TRPC4: variants seen among roughly 807,000 people sequenced by gnomAD.
TRPC4 encodes short transient receptor potential channel 4.
Under a neutral mutation model 99.4 loss-of-function variants are expected in TRPC4, and 49 were observed. That is an observed-to-expected ratio of 0.49 (90% CI 0.39 to 0.63). TRPC4 has a LOEUF of 0.63. TRPC4 is among the 20% of genes least tolerant of loss of function. The pLI, the probability that TRPC4 is intolerant of heterozygous loss-of-function variation, is 0.00. For missense variants in TRPC4, 898 were observed against 1,152.9 expected (o/e 0.78, Z 3.20); for synonymous variants, 454 against 425.9 (o/e 1.07, Z -0.81).
chr13:37,696,715 A>C (rs1953915241), intron 3 of TRPC4, among the ~76,000 whole-genome samples: 1 of 152,184 alleles, frequency 6.6e-6, no homozygotes, highest in African/African-American at 2.4e-5. Flanking sequence ...AAAGGACCAC[A>C]AATTCATATA....
chr13:37,852,369 C>T (rs1165502347), intron 1 of TRPC4, among the ~76,000 whole-genome samples: 1 of 152,150 alleles, frequency 6.6e-6, no homozygotes, highest in East Asian at 1.9e-4. Context: ...ACACTCTGGG[C>T]CAAAAGGAAA....
chr13:37,776,703 T>G (rs567495373), intron 2 of TRPC4, among the ~76,000 whole-genome samples: 2 of 151,942 alleles, frequency 1.3e-5, no homozygotes, highest in South Asian at 4.1e-4. Context: ...CATTTAATAA[T>G]TACCATATAA....
chr13:37,716,729 ACT>A (rs1954680885), intron 3 of TRPC4, among the ~76,000 whole-genome samples: 1 of 151,582 alleles, frequency 6.6e-6, no homozygotes, highest in African/African-American at 2.4e-5. Context: ...AAAACCACGC[ACT>A]CTCTCTACTC....
At chr13:37,852,721 G>A (rs1959090551) in intron 1 of TRPC4, among the ~76,000 whole-genome samples, 1 of 152,156 alleles carries the variant, frequency 6.6e-6, no homozygotes, top group Non-Finnish European at 1.5e-5. Flanking sequence ...TGGGCCAGAA[G>A]GGAGCCCGCT....
At chr13:37,811,763 T>C (rs894204421) in intron 1 of TRPC4, among the ~76,000 whole-genome samples, 5 of 152,048 alleles carry the variant, frequency 3.3e-5, no homozygotes, top group African/African-American at 1.2e-4. Context: ...AAAAACCAAA[T>C]AATTTATGAA....
intron 1 of TRPC4, among the ~76,000 whole-genome samples, chr13:37,804,481 G>A (rs888495669): frequency 6.6e-6 from 1 of 151,952 alleles, no homozygotes; most frequent in Non-Finnish European, 1.5e-5. Flanking sequence ...ATAAAAAGAA[G>A]AAAAACAGAA....
intron 1 of TRPC4, among the ~76,000 whole-genome samples, chr13:37,837,270 C>T (rs1290604904): frequency 1.3e-5 from 2 of 152,214 alleles, no homozygotes; most frequent in Admixed American, 1.3e-4. Context: ...AGGGCACCAC[C>T]TAGTGGATCT....
intron 4 of TRPC4, among the ~76,000 whole-genome samples, chr13:37,688,668 GGAA>G (rs1207835767): frequency 6.6e-6 from 1 of 152,032 alleles, no homozygotes; most frequent in Non-Finnish European, 1.5e-5. Flanking sequence ...TTTTGAAAAC[GGAA>G]GAAAAGTGAA....
chr13:37,849,258 C>T (rs1958993883), intron 1 of TRPC4, among the ~76,000 whole-genome samples: 1 of 152,180 alleles, frequency 6.6e-6, no homozygotes, highest in Non-Finnish European at 1.5e-5. Flanking sequence ...TCTATACCAT[C>T]AAATACTACT....
intron 2 of TRPC4, among the ~76,000 whole-genome samples, chr13:37,756,270 G>A (rs1430034783): frequency 6.6e-6 from 1 of 152,122 alleles, no homozygotes; most frequent in African/African-American, 2.4e-5. Flanking sequence ...ATGAATGGAT[G>A]AATGGATGGA....
chr13:37,719,838 G>C (rs373453721), intron 3 of TRPC4, among the ~76,000 whole-genome samples: 56 of 149,326 alleles, frequency 3.8e-4, no homozygotes, highest in African/African-American at 1.4e-3. Context: ...CAGGAATGAA[G>C]GTTGCAGATG....
At chr13:37,785,660 A>G (rs1256951314) in intron 1 of TRPC4, among the ~76,000 whole-genome samples, 10 of 152,104 alleles carry the variant, frequency 6.6e-5, no homozygotes, top group Admixed American at 5.9e-4. Context: ...AATCAAGGTT[A>G]AGACTCACGA....
chr13:37,670,817 C>T (rs1327262645), intron 5 of TRPC4, among the ~76,000 whole-genome samples: 2 of 152,288 alleles, frequency 1.3e-5, no homozygotes, highest in Non-Finnish European at 2.9e-5. Flanking sequence ...AGATAGTGAA[C>T]TCTGCTTGTT....
At chr13:37,865,503 A>G (rs1192637846) in intron 1 of TRPC4, among the ~76,000 whole-genome samples, 1 of 151,660 alleles carries the variant, frequency 6.6e-6, no homozygotes, top group Admixed American at 6.6e-5. Context: ...AAAGGAAGTC[A>G]TTTTGAGATC....
intron 3 of TRPC4, among the ~76,000 whole-genome samples, chr13:37,702,317 T>C (rs537545880): frequency 1.3e-5 from 2 of 152,220 alleles, no homozygotes; most frequent in South Asian, 2.1e-4. Flanking sequence ...GGTTTGGACA[T>C]TAGCATGTCT....
intron 7 of TRPC4, among the ~76,000 whole-genome samples, chr13:37,654,706 C>A (rs1593443065): frequency 1.3e-5 from 2 of 152,112 alleles, no homozygotes; most frequent in African/African-American, 2.4e-5. Context: ...TTTGTATCTT[C>A]CCCTGTAGGG....
intron 1 of TRPC4, among the ~76,000 whole-genome samples, chr13:37,789,083 G>A (rs891610557): frequency 2.6e-5 from 4 of 151,976 alleles, no homozygotes; most frequent in East Asian, 1.9e-4. Flanking sequence ...TTTCTAAGAC[G>A]CAAATCTCAT....
At chr13:37,739,359 A>G (rs1955507806) in intron 3 of TRPC4, among the ~76,000 whole-genome samples, 1 of 152,150 alleles carries the variant, frequency 6.6e-6, no homozygotes, top group Non-Finnish European at 1.5e-5. Context: ...GGCATTACCA[A>G]CTTTACTTAC....
At chr13:37,721,008 A>G (rs768092387) in intron 3 of TRPC4, among the ~76,000 whole-genome samples, 2 of 152,212 alleles carry the variant, frequency 1.3e-5, no homozygotes, top group African/African-American at 4.8e-5. Context: ...GAAAAGAACT[A>G]TTAGGAGACA....
Sources: gnomAD v4.1 joint callset for allele counts (sites outside exome capture counted in the v4.1 genomes callset) on GRCh38, gnomAD v4.1.1 for gene constraint, MANE v1.5 for transcripts, NCBI Gene and HGNC (gene_info 2026-07-23, HGNC 2026-07-21) for gene names.